The following JAZF1 variants were observed in gnomAD, a reference collection of about 807,000 sequenced individuals.
The protein encoded by JAZF1 is juxtaposed with another zinc finger protein 1.
Under a neutral mutation model 26.4 loss-of-function variants are expected in JAZF1, and 8 were observed. The ratio of observed to expected loss-of-function variants is 0.30; its 90% CI spans 0.18 to 0.55. The LOEUF (loss-of-function observed/expected upper bound fraction) is 0.55, where lower values mean the gene tolerates loss of function less well. Ranked by LOEUF, JAZF1 falls within the 20% of genes least tolerant of loss-of-function variation. JAZF1 has a pLI of 0.94. For synonymous variants in JAZF1, 126 were observed against 122.3 expected, an observed-to-expected ratio of 1.03 and a Z score of -0.20; for missense variants, 199 against 322.0, an observed-to-expected ratio of 0.62 and a Z score of 2.92.
intron 1 of JAZF1, among the ~76,000 whole-genome samples, chr7:28,107,996 A>G (rs1403787111): frequency 6.6e-6 from 1 of 152,174 alleles, no homozygotes; most frequent in African/African-American, 2.4e-5. Context: ...CACGGCTAAA[A>G]CAATGAGCTC....
chr7:27,856,295 G>A (rs540161856), intron 3 of JAZF1, among the ~76,000 whole-genome samples: 173 of 152,304 alleles, frequency 1.1e-3, no homozygotes, highest in African/African-American at 4.0e-3. Flanking sequence ...TGTTCCTCCC[G>A]GTGGGTTCGT....
intron 2 of JAZF1, among the ~76,000 whole-genome samples, chr7:27,967,059 C>G (rs1785288579): frequency 6.6e-6 from 1 of 152,200 alleles, no homozygotes; most frequent in Non-Finnish European, 1.5e-5. Flanking sequence ...TTATTACAGT[C>G]TCCTCTTCAT....
chr7:27,967,995 C>T (rs1039185855), intron 2 of JAZF1, among the ~76,000 whole-genome samples: 1 of 152,148 alleles, frequency 6.6e-6, no homozygotes, highest in Non-Finnish European at 1.5e-5. Context: ...ATGAGTGCTA[C>T]GTGCACAAAA....
intron 1 of JAZF1, among the ~76,000 whole-genome samples, chr7:28,159,580 G>A (rs1783246550): frequency 6.6e-6 from 1 of 152,184 alleles, no homozygotes; most frequent in South Asian, 2.1e-4. Context: ...TGTCAGCACA[G>A]TGGCTTGACA....
At chr7:28,034,908 C>A (rs113091731) in intron 1 of JAZF1, among the ~76,000 whole-genome samples, 2 of 152,098 alleles carry the variant, frequency 1.3e-5, no homozygotes, top group Non-Finnish European at 2.9e-5. Context: ...TGATTTTTTA[C>A]TATCCTGTAT....
intron 3 of JAZF1, among the ~76,000 whole-genome samples, chr7:27,888,455 T>A (rs1783909004): frequency 6.6e-6 from 1 of 152,194 alleles, no homozygotes; most frequent in Admixed American, 6.5e-5. Flanking sequence ...TTTATTTTGC[T>A]TTCTAACAAT....
chr7:28,021,224 T>C (rs1256084947), intron 1 of JAZF1, among the ~76,000 whole-genome samples: 2 of 152,116 alleles, frequency 1.3e-5, no homozygotes, highest in Non-Finnish European at 2.9e-5. Context: ...GAGAGCAGCA[T>C]TTTTTCTTTT....
At chr7:27,902,060 C>T (rs965970088) in intron 2 of JAZF1, among the ~76,000 whole-genome samples, 1 of 152,192 alleles carries the variant, frequency 6.6e-6, no homozygotes, top group African/African-American at 2.4e-5. Context: ...ACTAAAACAT[C>T]ATTGGAAGGC....
At chr7:27,997,537 C>T (rs1786041633) in intron 1 of JAZF1, among the ~76,000 whole-genome samples, 1 of 152,158 alleles carries the variant, frequency 6.6e-6, no homozygotes, top group South Asian at 2.1e-4. Flanking sequence ...ATGCTTCCAT[C>T]CAGAGCCTCC....
chr7:28,166,666 T>C (rs1385867947), intron 1 of JAZF1, among the ~76,000 whole-genome samples: 1 of 152,252 alleles, frequency 6.6e-6, no homozygotes, highest in African/African-American at 2.4e-5. Context: ...GAAAACTATA[T>C]TTATCAAACA....
At chr7:27,942,653 CA>C (rs1253191544) in intron 2 of JAZF1, among the ~76,000 whole-genome samples, 1 of 152,118 alleles carries the variant, frequency 6.6e-6, no homozygotes, top group Non-Finnish European at 1.5e-5. Flanking sequence ...AGTTGAGAGC[CA>C]AAACACCCAC....
intron 1 of JAZF1, among the ~76,000 whole-genome samples, chr7:28,141,742 T>TA (rs1226589525): frequency 6.6e-6 from 1 of 152,210 alleles, no homozygotes; most frequent in Non-Finnish European, 1.5e-5. Context: ...TTACATATAG[T>TA]TCTCTTAACC....
intron 1 of JAZF1, among the ~76,000 whole-genome samples, chr7:28,099,476 T>C (rs1267618091): frequency 2.0e-5 from 3 of 152,106 alleles, no homozygotes; most frequent in African/African-American, 7.2e-5. Context: ...AACAGCCTTT[T>C]AACTCTTTTT....
At chr7:27,866,267 C>A (rs1783470984) in intron 3 of JAZF1, among the ~76,000 whole-genome samples, 1 of 152,196 alleles carries the variant, frequency 6.6e-6, no homozygotes, top group African/African-American at 2.4e-5. Flanking sequence ...GATGATAGGC[C>A]AGATTGCAAT....
Position 27,839,517 on chromosome 7 carries a change from CCT to C in JAZF1, c.555+1179_555+1180del, listed in dbSNP as rs542543352. On this transcript the variant is annotated intron_variant, in intron 4 of 4. Coordinates refer to ENST00000283928, the MANE Select transcript of JAZF1 (RefSeq NM_175061.4). ...CCTTCCCTCCTCTCCCAACTCCACG[CCT>C]CTGACACAGAATGTACAGATGCGTC... Among the ~76,000 whole-genome samples the C allele has an allele frequency of 7.8e-3, 1,183 of 152,320 alleles. 9 individuals carry two copies. The highest frequency in any genetic ancestry group is 0.017 in the Middle Eastern group (5 of 294).
At chr7:27,948,336 T>C (rs1319986611) in intron 2 of JAZF1, among the ~76,000 whole-genome samples, 1 of 152,196 alleles carries the variant, frequency 6.6e-6, no homozygotes, top group African/African-American at 2.4e-5. Context: ...ATGTGGCATT[T>C]GGTAAAATTT....
intron 1 of JAZF1, among the ~76,000 whole-genome samples, chr7:28,047,496 C>A (rs545698602): frequency 6.6e-6 from 1 of 152,216 alleles, no homozygotes; most frequent in East Asian, 1.9e-4. Context: ...TTTCCAGATA[C>A]TTCAGTAAAT....
At chr7:27,843,119 G>A (rs1228920757) in intron 3 of JAZF1, 1 of 152,258 alleles carries the variant, frequency 6.6e-6, no homozygotes, top group Non-Finnish European at 1.5e-5. Context: ...GAAAGGTAGT[G>A]TAGGCCGACA....
intron 1 of JAZF1, among the ~76,000 whole-genome samples, chr7:28,027,942 CAG>C (rs1347193629): frequency 1.3e-5 from 2 of 152,160 alleles, no homozygotes; most frequent in African/African-American, 4.8e-5. Flanking sequence ...TTGAATTAAT[CAG>C]AGTTATGAAG....
Sources: gnomAD v4.1 joint callset for allele counts (sites outside exome capture counted in the v4.1 genomes callset) on GRCh38, gnomAD v4.1.1 for gene constraint, MANE v1.5 for transcripts, NCBI Gene and HGNC (gene_info 2026-07-23, HGNC 2026-07-21) for gene names.